The following SCAI variants were observed in gnomAD, a reference collection of about 807,000 sequenced individuals.
SCAI encodes the protein protein SCAI.
SCAI carries 24 observed loss-of-function variants against 92.2 expected under a neutral mutation model. The ratio of observed to expected loss-of-function variants is 0.26; its 90% CI spans 0.19 to 0.37. The LOEUF is 0.37. Among genes scored for constraint, SCAI ranks in the 10% least tolerant of loss-of-function variants. The probability of loss-of-function intolerance (pLI) is 1.00; values close to 1 mark genes in which losing one functional copy is unlikely to be tolerated. For synonymous variants in SCAI, 261 were observed against 258.6 expected (o/e 1.01, Z -0.09); for missense variants, 450 against 736.2 (o/e 0.61, Z 4.50).
chr9:125,009,904 T>C (rs1161247054), intron 9 of SCAI, among the ~76,000 whole-genome samples: 1 of 150,294 alleles, frequency 6.7e-6, no homozygotes, highest in African/African-American at 2.5e-5. Context: ...AAAATAAAAA[T>C]AAAGTCAGTT....
In SCAI at chr9:124,971,752, C is replaced by T. The variant is rs1831663687; in HGVS notation, c.1492G>A (p.Gly498Ser). 39 of 1,612,752 alleles carry T rather than the reference C, an allele frequency of 2.4e-5. No individual in the cohort carries two copies. The highest frequency in any genetic ancestry group is 3.3e-5 in the Non-Finnish European group (39 of 1,179,690). The stretch of plus-strand genomic sequence containing the variant: ...TATTCTTGACACTTTTCCCATAGGC[C>T]TCTGCGCATGCTTGACAATCCAGAG... ...FVSGLSSMRRGLWEKCQEYLR... is the reference protein window; with the variant it reads ...FVSGLSSMRRSLWEKCQEYLR... The change falls in exon 16 of 18, where the codon GGC becomes AGC. Residue 498 changes from glycine (G) to serine (S), a missense_variant. Physicochemically the swap from Gly to Ser is moderately conservative, Grantham distance 56. Around this residue, in one of 3 missense-constraint regions of SCAI, gnomAD observed 360 missense variants for 601.8 expected, o/e 0.60. Coordinates refer to ENST00000336505, the MANE Select transcript of SCAI (RefSeq NM_001144877.3).
chr9:125,104,016 A>G (rs931593534), intron 2 of SCAI, among the ~76,000 whole-genome samples: 2 of 152,202 alleles, frequency 1.3e-5, no homozygotes, highest in African/African-American at 4.8e-5. Flanking sequence ...GGAAAGAAGC[A>G]TATCTAATTT....
intron 2 of SCAI, among the ~76,000 whole-genome samples, chr9:125,106,122 AATATATATATAT>A (rs1206665762): frequency 1.4e-3 from 12 of 8,860 alleles, no homozygotes; most frequent in Admixed American, 4.3e-3. Flanking sequence ...AAAAAAAAAA[AATATATATATAT>A]ATATATATAT....
rs558589395 is a variant in SCAI at position 125,034,896 on chromosome 9, T to G, written c.231-5157A>C. Among the ~76,000 whole-genome samples, 6 of 152,342 alleles carry G rather than the reference T, an allele frequency of 3.9e-5. 1 individual carries two copies. Among genetic ancestry groups the G allele is most frequent in the Admixed American group, 2.6e-4 (4 of 15,300 alleles). On this transcript the variant is annotated intron_variant, in intron 3 of 17. Transcript: ENST00000336505. ...TCCTGGCTTTGCTATGTATAATATT[T>G]ACATAGTTATATGTCAAAATGTTGT...
chr9:125,128,878 C>A (rs1419935574), intron 2 of SCAI, among the ~76,000 whole-genome samples: 1 of 151,818 alleles, frequency 6.6e-6, no homozygotes, highest in Non-Finnish European at 1.5e-5. Context: ...GCCTGGCCAA[C>A]ATGGAGAAAC....
At chr9:124,954,188 C>G (rs1236911151) in intron 17 of SCAI, among the ~76,000 whole-genome samples, 1 of 152,168 alleles carries the variant, frequency 6.6e-6, no homozygotes, top group African/African-American at 2.4e-5. Context: ...AAAAAGCAGA[C>G]AGAAAATCAA....
intron 17 of SCAI, among the ~76,000 whole-genome samples, chr9:124,961,875 GTTTT>G (rs1365986315): frequency 7.5e-6 from 1 of 132,516 alleles, no homozygotes; most frequent in African/African-American, 2.8e-5. Context: ...CTTTGTGGCA[GTTTT>G]TTTTTTTTTT....
At chr9:125,080,436 A>G (rs918480436) in intron 2 of SCAI, among the ~76,000 whole-genome samples, 4 of 152,316 alleles carry the variant, frequency 2.6e-5, no homozygotes, top group African/African-American at 9.6e-5. Flanking sequence ...TTTTCCTTAA[A>G]ACATAAGTAA....
At chr9:125,059,229 T>C (rs1053746667) in intron 2 of SCAI, among the ~76,000 whole-genome samples, 2 of 152,170 alleles carry the variant, frequency 1.3e-5, no homozygotes, top group Non-Finnish European at 1.5e-5. Context: ...CTGAGTCTAA[T>C]CATGAGGAAA....
rs951660693 is a variant in SCAI at position 124,946,011 on chromosome 9, T to C, written c.*6796A>G. On this transcript the variant is annotated 3_prime_UTR_variant, in exon 18 of 18. Transcript: ENST00000336505. The surrounding 1 kb of genome is among the most constrained non-coding windows in gnomAD (Gnocchi z 4.0). ...GTTACCTTATTCACCCTCAAAGTTA[T>C]TGGCTTTACAACGGTTGGGGTCAGA... 2 of 152,232 alleles carry C rather than the reference T, an allele frequency of 1.3e-5. No homozygotes were observed. Among genetic ancestry groups the C allele is most frequent in the African/African-American group, 4.8e-5 (2 of 41,470 alleles). The allele number at this position is 152,232 out of a possible 1,614,324, so 9.4% of individuals were successfully genotyped here.
intron 6 of SCAI, among the ~76,000 whole-genome samples, chr9:125,021,455 A>C (rs1409978981): frequency 6.6e-6 from 1 of 151,890 alleles, no homozygotes; most frequent in African/African-American, 2.4e-5. Flanking sequence ...ATTTTATATC[A>C]TCTATTGGCT....
At chr9:125,117,136 A>C (rs1399435518) in intron 2 of SCAI, among the ~76,000 whole-genome samples, 3 of 152,208 alleles carry the variant, frequency 2.0e-5, no homozygotes, top group African/African-American at 4.8e-5. Flanking sequence ...TCTCCTCTGA[A>C]GTATGTGGCT....
intron 3 of SCAI, among the ~76,000 whole-genome samples, chr9:125,033,958 C>T (rs188396163): frequency 3.3e-5 from 5 of 152,184 alleles, no homozygotes; most frequent in Admixed American, 3.3e-4. Flanking sequence ...TATTACTTCC[C>T]ACCAATCAAA....
intron 17 of SCAI, among the ~76,000 whole-genome samples, chr9:124,960,167 A>G (rs1462562800): frequency 6.6e-6 from 1 of 152,170 alleles, no homozygotes; most frequent in Non-Finnish European, 1.5e-5. Context: ...TTCAAAACAA[A>G]TGTCTGTGCA....
intron 2 of SCAI, among the ~76,000 whole-genome samples, chr9:125,125,605 G>A (rs555856292): frequency 1.3e-5 from 2 of 151,890 alleles, no homozygotes; most frequent in South Asian, 4.1e-4. Flanking sequence ...CAAGGTGGGT[G>A]AATCACCTAA....
chr9:125,086,966 T>TCCC (rs2131189520), intron 2 of SCAI, among the ~76,000 whole-genome samples: 1 of 152,328 alleles, frequency 6.6e-6, no homozygotes, highest in African/African-American at 2.4e-5. Flanking sequence ...ATGTAAGTAA[T>TCCC]ACTGCCATTT....
chr9:125,003,458 G>C lies in SCAI; in HGVS notation c.963+11C>G, dbSNP rs1248837882. 6.3e-7 allele frequency: 1 copy of C among 1,575,612 alleles called. No individual in the cohort carries two copies. Among genetic ancestry groups the C allele is most frequent in the Admixed American group, 1.7e-5 (1 of 59,888 alleles). ...GGTTACCAAACTTGCAAATGTAAAA[G>C]AGGAGATTACCTGCATTCCTGGTTT... On this transcript the variant is annotated intron_variant, in intron 10 of 17. Transcript: ENST00000336505.
intron 9 of SCAI, among the ~76,000 whole-genome samples, chr9:125,016,385 C>CTAAATAAA (rs1325681833): frequency 2.1e-5 from 1 of 46,702 alleles, no homozygotes; most frequent in African/African-American, 9.2e-5. Context: ...AAGACTCTGT[C>CTAAATAAA]TCAATAAATA....
At chr9:125,040,510 C>T (rs1833297707) in intron 3 of SCAI, among the ~76,000 whole-genome samples, 1 of 152,152 alleles carries the variant, frequency 6.6e-6, no homozygotes, top group African/African-American at 2.4e-5. Flanking sequence ...TTCTTTAATA[C>T]ATAGAGAATT....
Sources: gnomAD v4.1 joint callset for allele counts (sites outside exome capture counted in the v4.1 genomes callset) on GRCh38, gnomAD v4.1.1 for gene constraint, gnomAD v4.1.1 regional missense constraint, Gnocchi (gnomAD v3.1) non-coding constraint, MANE v1.5 for transcripts, NCBI Gene and HGNC (gene_info 2026-07-23, HGNC 2026-07-21) for gene names.